The following PRSS38 variants were observed in gnomAD, a reference collection of about 807,000 sequenced individuals.
PRSS38 encodes the protein serine protease 38.
A neutral mutation model predicts 26.8 loss-of-function variants in PRSS38; 22 were observed. The observed-to-expected ratio is 0.82, with a 90% CI of 0.59 to 1.17. The LOEUF (loss-of-function observed/expected upper bound fraction) is 1.17. PRSS38 is among the 50% of genes most tolerant of loss of function. The probability of loss-of-function intolerance (pLI) is 0.00; values close to 1 mark genes in which losing one functional copy is unlikely to be tolerated. For missense variants in PRSS38, 427 were observed against 422.7 expected, an observed-to-expected ratio of 1.01 and a Z score of -0.09; for synonymous variants, 175 against 172.1, an observed-to-expected ratio of 1.02 and a Z score of -0.13.
intron 3 of PRSS38, among the ~76,000 whole-genome samples, chr1:227,828,647 A>T (rs1665108841): frequency 6.6e-6 from 1 of 152,158 alleles, no homozygotes; most frequent in Admixed American, 6.5e-5. Flanking sequence ...AGTCCAGACA[A>T]TCTGGATGAA....
intron 3 of PRSS38, among the ~76,000 whole-genome samples, chr1:227,844,589 A>AGTGGGGCTTTTCCCTATGTGTG (rs1665387963): frequency 6.3e-5 from 6 of 95,886 alleles, no homozygotes; most frequent in African/African-American, 2.9e-4. Flanking sequence ...CCCTATGTGT[A>AGTGGGGCTTTTCCCTATGTGTG]GTGGGGCTCT....
At chr1:227,828,203 G>A (rs1665102401) in intron 3 of PRSS38, among the ~76,000 whole-genome samples, 1 of 152,148 alleles carries the variant, frequency 6.6e-6, no homozygotes, top group Non-Finnish European at 1.5e-5. Context: ...TATCTATTAG[G>A]TCCACTTGAT....
rs1215651713 is a variant in PRSS38, at chr1:227,836,718, A to G, written c.584-8752A>G. 1.3e-5 allele frequency among the ~76,000 whole-genome samples: 2 copies of G among 152,066 alleles called. 1 individual carries two copies. Among genetic ancestry groups the G allele is most frequent in the Non-Finnish European group, 2.9e-5 (2 of 68,024 alleles). On this transcript the variant is annotated intron_variant, in intron 3 of 4. Transcript: ENST00000366757. ...AAAAAAAAATAAAATAAAAGCTTCC[A>G]TAACAGAATTTTCATTGGAAACTCT...
intron 3 of PRSS38, among the ~76,000 whole-genome samples, chr1:227,825,863 C>T (rs956244256): frequency 3.3e-5 from 5 of 151,720 alleles, no homozygotes; most frequent in Non-Finnish European, 5.9e-5. Flanking sequence ...GCTATTCAGG[C>T]TTTTTTTTGT....
At chr1:227,821,665 T>C (rs1325701094) in intron 3 of PRSS38, among the ~76,000 whole-genome samples, 1 of 152,198 alleles carries the variant, frequency 6.6e-6, no homozygotes, top group African/African-American at 2.4e-5. Context: ...CATAACACTG[T>C]CTTCTGATCT....
chr1:227,831,576 T>G (rs2102679961), intron 3 of PRSS38, among the ~76,000 whole-genome samples: 2 of 152,300 alleles, frequency 1.3e-5, no homozygotes, highest in Non-Finnish European at 2.9e-5. Flanking sequence ...TTTTCTGTCT[T>G]TTAAAAGCAG....
intron 3 of PRSS38, among the ~76,000 whole-genome samples, chr1:227,821,810 G>C (rs1021214199): frequency 6.6e-6 from 1 of 151,982 alleles, no homozygotes; most frequent in African/African-American, 2.4e-5. Flanking sequence ...GTCTTGTTGG[G>C]GGTTATTTGA....
chr1:227,817,880 T>C (rs1664946383), intron 3 of PRSS38, among the ~76,000 whole-genome samples: 1 of 152,208 alleles, frequency 6.6e-6, no homozygotes, highest in Admixed American at 6.5e-5. Flanking sequence ...TTAGGTCTAT[T>C]CAAAAGAGAT....
rs35174545 is a variant in PRSS38, at chr1:227,827,840, TTC to T, written c.583+10364_583+10365del. The stretch of plus-strand genomic sequence containing the variant: ...GATGTGGGCATTTAGTGCTATAAAT[TTC>T]TCTGTTACCACTGCTTTAGCTGTAT... On this transcript the variant is annotated intron_variant, in intron 3 of 4. Coordinates refer to ENST00000366757, the Ensembl canonical transcript of PRSS38. 2.0e-3 allele frequency among the ~76,000 whole-genome samples: 309 copies of T among 152,334 alleles called. 1 individual carries two copies. The highest frequency in any genetic ancestry group is 3.7e-3 in the Non-Finnish European group (250 of 68,028).
rs570156047 is a variant in PRSS38 at position 227,826,256 on chromosome 1, G to A, written c.583+8776G>A. ...TATATCATGAGACTTTGCTGAAGTT[G>A]CTTACCAGCTTAAGAAGCTTTTGGG... On this transcript the variant is annotated intron_variant, in intron 3 of 4. Coordinates refer to ENST00000366757, the Ensembl canonical transcript of PRSS38. Among the ~76,000 whole-genome samples the A allele has an allele frequency of 1.7e-4, 26 of 152,274 alleles. No individual in the cohort carries two copies. In the South Asian group the frequency reaches 5.4e-3, roughly 32 times the overall value.
intron 3 of PRSS38, among the ~76,000 whole-genome samples, chr1:227,838,901 T>C (rs11803473): frequency 0.017 from 2,569 of 152,230 alleles, 68 homozygotes; most frequent in African/African-American, 0.059. Context: ...CAGGCCCAGG[T>C]CTCGAGCTCC....
chr1:227,831,987 G>A (rs1665160135), intron 3 of PRSS38, among the ~76,000 whole-genome samples: 1 of 152,168 alleles, frequency 6.6e-6, no homozygotes, highest in African/African-American at 2.4e-5. Context: ...CTCTGATTGG[G>A]TGCATACATA....
At chr1:227,824,116 T>C (rs1480646116) in intron 3 of PRSS38, among the ~76,000 whole-genome samples, 1 of 152,202 alleles carries the variant, frequency 6.6e-6, no homozygotes, top group Admixed American at 6.5e-5. Context: ...TGCAGTTTTG[T>C]TATGTAGGTA....
rs146790341 is a variant in PRSS38, at chr1:227,816,204, C to A, written c.263C>A (p.Ser88Tyr). 7 of 1,613,694 alleles carry A rather than the reference C, an allele frequency of 4.3e-6. No individual in the cohort carries two copies. In the East Asian group the frequency reaches 1.6e-4, roughly 36 times the overall value. Reference sequence around the variant, plus strand: ...GCAGGCCTCCACGTCTGCGGCGGCTCCATCCTCAATGAGTACTGGGTGCTG... The same window carrying A: ...GCAGGCCTCCACGTCTGCGGCGGCTACATCCTCAATGAGTACTGGGTGCTG... Residue 88 changes from serine to tyrosine, a missense_variant, in exon 2 of 5, where the codon TCC becomes TAC. Physicochemically the swap from Ser to Tyr is moderately radical, Grantham distance 144. Transcript: ENST00000366757. The surrounding 1 kb of genome is among the most constrained non-coding windows in gnomAD (Gnocchi z 5.1).
At chr1:227,835,213 G>A (rs529065838) in intron 3 of PRSS38, among the ~76,000 whole-genome samples, 43 of 152,270 alleles carry the variant, frequency 2.8e-4, no homozygotes, top group South Asian at 2.1e-4. Flanking sequence ...CAGAGCCCTC[G>A]TTCATTGCTG....
intron 3 of PRSS38, among the ~76,000 whole-genome samples, chr1:227,843,838 G>A (rs1665374736): frequency 1.3e-5 from 2 of 152,000 alleles, no homozygotes. Flanking sequence ...TGGCCAACAA[G>A]GTGAAACCCT....
At chr1:227,839,669 G>T (rs559887541) in intron 3 of PRSS38, among the ~76,000 whole-genome samples, 60 of 152,218 alleles carry the variant, frequency 3.9e-4, no homozygotes, top group Admixed American at 3.6e-3. Flanking sequence ...TTACAAGTGC[G>T]GACCTCAGAT....
At chr1:227,836,642 C>G (rs1665241414) in intron 3 of PRSS38, among the ~76,000 whole-genome samples, 1 of 5,038 alleles carries the variant, frequency 2.0e-4, no homozygotes, top group Admixed American at 1.2e-3. Flanking sequence ...AGCCGAGATC[C>G]CGCCACTGCA....
chr1:227,817,577 G>T (rs1166158991), intron 3 of PRSS38, 97 bp downstream of exon 3: 1 of 1,271,280 alleles, frequency 7.9e-7, no homozygotes, highest in African/African-American at 1.5e-5. Context: ...CCAGGTGTTT[G>T]GGGACTGGAA....
Sources: gnomAD v4.1 joint callset for allele counts (sites outside exome capture counted in the v4.1 genomes callset) on GRCh38, gnomAD v4.1.1 for gene constraint, Gnocchi (gnomAD v3.1) non-coding constraint, MANE v1.5 for transcripts, NCBI Gene and HGNC (gene_info 2026-07-23, HGNC 2026-07-21) for gene names.